Variants in SYNE3 observed in about 807,000 individuals in gnomAD.
SYNE3 encodes spectrin repeat containing nuclear envelope family member 3.
Under a neutral mutation model 111.2 loss-of-function variants are expected in SYNE3, and 100 were observed. The ratio of observed to expected loss-of-function variants is 0.90; its 90% CI spans 0.77 to 1.06. The LOEUF is 1.06. SYNE3 is among the 50% of genes least tolerant of loss of function. SYNE3 has a pLI of 0.00. For missense variants in SYNE3, 1,160 were observed against 1,240.3 expected, an observed-to-expected ratio of 0.94 and a Z score of 0.97; for synonymous variants, 547 against 533.9, an observed-to-expected ratio of 1.02 and a Z score of -0.34.
In SYNE3 at chr14:95,435,902, A is replaced by G. The variant is rs1246647531; in HGVS notation, c.2538+918T>C. Among the ~76,000 whole-genome samples, 8 of 152,194 alleles carry G rather than the reference A, an allele frequency of 5.3e-5. No homozygotes were observed. In the East Asian group the frequency reaches 1.5e-3, roughly 29 times the overall value. On this transcript the variant is annotated intron_variant, in intron 15 of 17. Coordinates refer to ENST00000682763, the MANE Select transcript of SYNE3 (RefSeq NM_152592.6). ...AGCCATGACCTAGATGGGACCCAAC[A>G]GGAAGAAAGGAGGATCAGCTGGGAG...
chr14:95,418,425 G>A (rs1291393411), intron 17 of SYNE3, among the ~76,000 whole-genome samples: 1 of 152,110 alleles, frequency 6.6e-6, no homozygotes, highest in Non-Finnish European at 1.5e-5. Flanking sequence ...ATGAGGCAGA[G>A]CCTGGCACAT....
At chr14:95,451,906 C>G (rs957891263) in intron 7 of SYNE3, 6 of 172,290 alleles carry the variant, frequency 3.5e-5, no homozygotes, top group Non-Finnish European at 7.3e-5. Context: ...AGTCAGCATC[C>G]GAAGGCAGGG....
In SYNE3 at chr14:95,443,940, G is replaced by A. The variant is rs184245978; in HGVS notation, c.1776+545C>T. On this transcript the variant is annotated intron_variant, in intron 10 of 17. Coordinates refer to ENST00000682763, the MANE Select transcript of SYNE3 (RefSeq NM_152592.6). ...CACCTCCCAAAGTGCTGGGATTACA[G>A]GCGTGAGCCACCGCTCCCGGCCTAA... 74 of 153,330 alleles carry A rather than the reference G, an allele frequency of 4.8e-4. 1 individual carries two copies. The East Asian group carries it at 1.0e-2, about 21-fold the overall frequency. The allele number at this position is 153,330 out of a possible 1,614,324, so 9.5% of individuals were successfully genotyped here.
rs925290835 is a variant in SYNE3, at chr14:95,408,651, G to C, written c.*9175C>G. On this transcript the variant is annotated 3_prime_UTR_variant, in exon 18 of 18. Coordinates refer to ENST00000682763, the MANE Select transcript of SYNE3 (RefSeq NM_152592.6). ...CTGCCCAGTTGTGCTTCTGCATGGA[G>C]ATGTGTGTAGTACTCACACATGCTA... 3.6e-5 allele frequency: 6 copies of C among 165,246 alleles called. No homozygotes were observed. The highest frequency in any genetic ancestry group is 1.4e-4 in the African/African-American group (6 of 41,852). 10.2% of individuals were successfully genotyped at this position (165,246 alleles called of 1,614,324 possible).
rs1886707425 is a variant in SYNE3 at position 95,446,159 on chromosome 14, C to G, written c.1450-68G>C. On this transcript the variant is annotated intron_variant, in intron 8 of 17. Transcript: ENST00000682763. ...CACAGCTCAGAAACAGAGCCAGGGGCACAACTGTTCTGGCTGCAACTGCTT... is the reference window on the plus strand; with the variant it reads ...CACAGCTCAGAAACAGAGCCAGGGGGACAACTGTTCTGGCTGCAACTGCTT... 1.9e-6 allele frequency: 3 copies of G among 1,565,230 alleles called. No homozygotes were observed. In the Admixed American group the frequency reaches 5.1e-5, roughly 27 times the overall value.
At chr14:95,506,125 T>C (rs1036424840) in intron 1 of SYNE3, among the ~76,000 whole-genome samples, 2 of 152,176 alleles carry the variant, frequency 1.3e-5, no homozygotes, top group African/African-American at 4.8e-5. Flanking sequence ...GTGGCTGTCA[T>C]TCAGTGCCCT....
chr14:95,445,872 C>G (rs781323001), intron 9 of SYNE3, 37 bp downstream of exon 9: 2 of 1,604,860 alleles, frequency 1.2e-6, no homozygotes, highest in Non-Finnish European at 1.7e-6. Context: ...GCCCCGTGGC[C>G]AAGCCAAGTC....
Position 95,409,084 on chromosome 14 carries a change from A to T in SYNE3, c.*8742T>A, listed in dbSNP as rs773470812. On this transcript the variant is annotated 3_prime_UTR_variant, in exon 18 of 18. Transcript: ENST00000682763. ...CCCTCCAGCTAACTCACCAGCTGCC[A>T]GAGTGGCAGCAGCCCGCGGCCTGCA... The T allele has an allele frequency of 2.2e-6, 1 of 446,490 alleles. No homozygotes were observed. Among genetic ancestry groups the T allele is most frequent in the African/African-American group, 2.0e-5 (1 of 50,020 alleles). 27.7% of individuals were successfully genotyped at this position (446,490 alleles called of 1,614,324 possible). A position where few individuals can be genotyped will look rare whatever the true frequency, so the allele number is the denominator to read the frequency against.
intron 17 of SYNE3, among the ~76,000 whole-genome samples, chr14:95,427,434 G>C (rs920798384): frequency 6.6e-6 from 1 of 152,202 alleles, no homozygotes; most frequent in Non-Finnish European, 1.5e-5. Context: ...GTGATGCTGT[G>C]CTTCAGTGGT....
At chr14:95,445,164 C>A (rs190034112) in intron 9 of SYNE3, among the ~76,000 whole-genome samples, 6 of 152,134 alleles carry the variant, frequency 3.9e-5, no homozygotes, top group Non-Finnish European at 5.9e-5. Flanking sequence ...CTTTCTTCAT[C>A]CCCCCAGCTC....
chr14:95,460,950 A>G (rs1040948788), intron 4 of SYNE3, among the ~76,000 whole-genome samples: 1 of 152,184 alleles, frequency 6.6e-6, no homozygotes, highest in Non-Finnish European at 1.5e-5. Flanking sequence ...TCCAGGGTAA[A>G]TAAAAGTCTG....
chr14:95,469,524 G>T (rs1888390982), intron 2 of SYNE3, among the ~76,000 whole-genome samples: 1 of 130,338 alleles, frequency 7.7e-6, no homozygotes, highest in African/African-American at 3.0e-5. Context: ...GTGAGACCAT[G>T]TCTCTACAAA....
At position 95,433,205 on chromosome 14, in the gene SYNE3, G is replaced by A. The variant is rs747882920; in HGVS notation, c.2688+55C>T. ...AGCACTGTATCCCCAGGCAAATACG[G>A]CCCAGCTATAGTCCTGTCCCTGGAA... On this transcript the variant is annotated intron_variant, in intron 16 of 17. Coordinates refer to ENST00000682763, the MANE Select transcript of SYNE3 (RefSeq NM_152592.6). The A allele has an allele frequency of 9.5e-6, 15 of 1,583,294 alleles. No homozygotes were observed. The Admixed American group carries it at 1.4e-4, about 15-fold the overall frequency.
chr14:95,468,671 G>A (rs1290612737), intron 2 of SYNE3, among the ~76,000 whole-genome samples: 1 of 152,170 alleles, frequency 6.6e-6, no homozygotes, highest in Admixed American at 6.5e-5. Context: ...TTCTGGCCTT[G>A]GGATCATATC....
chr14:95,437,141 A>AT (rs972183523), intron 14 of SYNE3, among the ~76,000 whole-genome samples, 160 bp from the exon 15 acceptor site: 15 of 152,174 alleles, frequency 9.9e-5, no homozygotes, highest in African/African-American at 3.4e-4. Flanking sequence ...TCTACTCAAC[A>AT]TGGTCACATT....
At chr14:95,492,227 A>G (rs547734907) in intron 1 of SYNE3, among the ~76,000 whole-genome samples, 2 of 152,254 alleles carry the variant, frequency 1.3e-5, no homozygotes, top group Non-Finnish European at 2.9e-5. Flanking sequence ...AGTTCTTCAA[A>G]TATTAAACAT....
Position 95,432,768 on chromosome 14 carries a change from A to G in SYNE3, c.2688+492T>C, listed in dbSNP as rs113421760. Among the ~76,000 whole-genome samples the G allele has an allele frequency of 2.7e-3, 417 of 152,098 alleles. 2 individuals carry two copies. Among genetic ancestry groups the G allele is most frequent in the African/African-American group, 9.8e-3 (406 of 41,500 alleles). On this transcript the variant is annotated intron_variant, in intron 16 of 17. Coordinates refer to ENST00000682763, the MANE Select transcript of SYNE3 (RefSeq NM_152592.6). ...AGTTAGAGACATGGGGCTGGACCCCAGGGCTCCTGATGCCACTCCAGTGCT... is the reference window on the plus strand; with the variant it reads ...AGTTAGAGACATGGGGCTGGACCCCGGGGCTCCTGATGCCACTCCAGTGCT...
intron 14 of SYNE3, 39 bp downstream of exon 14, chr14:95,438,994 C>T: frequency 6.2e-7 from 1 of 1,611,204 alleles, no homozygotes; most frequent in Non-Finnish European, 8.5e-7. Flanking sequence ...TGACCTGGGG[C>T]CTGGCCCCTT....
intron 1 of SYNE3, among the ~76,000 whole-genome samples, chr14:95,508,681 G>A (rs1313485301): frequency 2.0e-5 from 3 of 152,242 alleles, no homozygotes; most frequent in Non-Finnish European, 4.4e-5. Flanking sequence ...AAGCTAGAGG[G>A]AGAGAAACTT....
Sources: gnomAD v4.1 joint callset for allele counts (sites outside exome capture counted in the v4.1 genomes callset) on GRCh38, gnomAD v4.1.1 for gene constraint, MANE v1.5 for transcripts, NCBI Gene and HGNC (gene_info 2026-07-23, HGNC 2026-07-21) for gene names.